The following PHTF2 variants were observed in gnomAD, a reference collection of about 807,000 sequenced individuals.
PHTF2 encodes the protein putative homeodomain transcription factor 2.
In PHTF2, 60 loss-of-function variants were observed where a neutral mutation model predicts 101.2. The ratio of observed to expected loss-of-function variants is 0.59; its 90% confidence interval spans 0.48 to 0.73. PHTF2 has a LOEUF of 0.73. Ranked by LOEUF, PHTF2 falls within the 30% of genes least tolerant of loss-of-function variation. The pLI is 0.00. For synonymous variants in PHTF2, 311 were observed against 307.3 expected, an observed-to-expected ratio of 1.01 and a Z score of -0.13; for missense variants, 747 against 908.7, an observed-to-expected ratio of 0.82 and a Z score of 2.29.
chr7:77,829,336 T>C (rs539231000), intron 1 of PHTF2, among the ~76,000 whole-genome samples: 1 of 152,356 alleles, frequency 6.6e-6, no homozygotes, highest in African/African-American at 2.4e-5. Flanking sequence ...AGACTATGCA[T>C]TGGTTCCATT....
In PHTF2 at chr7:77,854,732, G is replaced by A. The variant is rs1200555555; in HGVS notation, c.46-1G>A. Reference sequence around the variant, plus strand: ...CTCTTCTTTCTCCTTTGCTCATGTAGGAGTTTCTCTCTGTGGCCACCACCG... The same window carrying A: ...CTCTTCTTTCTCCTTTGCTCATGTAAGAGTTTCTCTCTGTGGCCACCACCG... On this transcript the variant is annotated splice_acceptor_variant, in intron 2 of 19. Coordinates refer to ENST00000416283, the Ensembl canonical transcript of PHTF2. LOFTEE classifies it high-confidence loss of function. The A allele has an allele frequency of 4.2e-6, 3 of 711,508 alleles. No homozygotes were observed. The highest frequency in any genetic ancestry group is 2.9e-5 in the South Asian group (2 of 68,124). The allele number at this position is 711,508 out of a possible 1,614,324, so 44.1% of individuals were successfully genotyped here.
At chr7:77,803,688 C>CGTGTGTGT (rs34239792) in intron 1 of PHTF2, among the ~76,000 whole-genome samples, 57 of 140,960 alleles carry the variant, frequency 4.0e-4, no homozygotes, top group African/African-American at 4.9e-4. Context: ...GTTGAACAGG[C>CGTGTGTGT]GTGTGTGTGT....
chr7:77,881,004 A>G (rs1799366606), intron 3 of PHTF2, among the ~76,000 whole-genome samples: 2 of 151,280 alleles, frequency 1.3e-5, no homozygotes. Context: ...CCCTCCAATC[A>G]CTCTCTCTAG....
At chr7:77,865,319 G>A (rs1235749186) in intron 3 of PHTF2, among the ~76,000 whole-genome samples, 2 of 151,760 alleles carry the variant, frequency 1.3e-5, no homozygotes, top group African/African-American at 2.4e-5. Context: ...TCTGCTTCCC[G>A]GGTTCAAGCG....
chr7:77,915,975 G>GTGTC (rs1318962027), intron 9 of PHTF2, among the ~76,000 whole-genome samples: 2 of 113,128 alleles, frequency 1.8e-5, no homozygotes, highest in Non-Finnish European at 3.9e-5. Context: ...GTAGATTTGT[G>GTGTC]TGTCTGTGTG....
chr7:77,848,159 G>T (rs1246265072), intron 2 of PHTF2, among the ~76,000 whole-genome samples: 1 of 152,176 alleles, frequency 6.6e-6, no homozygotes, highest in African/African-American at 2.4e-5. Flanking sequence ...GAATATTGCT[G>T]CAGTGAACAT....
At chr7:77,861,072 G>A (rs1797602222) in intron 3 of PHTF2, among the ~76,000 whole-genome samples, 1 of 152,060 alleles carries the variant, frequency 6.6e-6, no homozygotes, top group South Asian at 2.1e-4. Context: ...GAAGTGGTCA[G>A]TTTTCCTTTG....
chr7:77,866,633 C>T (rs1798089198), intron 3 of PHTF2, among the ~76,000 whole-genome samples: 1 of 152,060 alleles, frequency 6.6e-6, no homozygotes, highest in Non-Finnish European at 1.5e-5. Context: ...TAATACTGGT[C>T]TGTACAGCAT....
chr7:77,914,145 A>T (rs1802682160), intron 9 of PHTF2, among the ~76,000 whole-genome samples: 1 of 151,984 alleles, frequency 6.6e-6, no homozygotes, highest in African/African-American at 2.4e-5. Context: ...ACATGCTGGG[A>T]GTACAATGCT....
intron 5 of PHTF2, among the ~76,000 whole-genome samples, chr7:77,896,708 T>C (rs933712938): frequency 4.6e-5 from 7 of 152,188 alleles, no homozygotes; most frequent in Non-Finnish European, 1.0e-4. Flanking sequence ...AATAATTCCG[T>C]ATTTATTCTA....
chr7:77,924,931 A>G (rs948202800), intron 11 of PHTF2, among the ~76,000 whole-genome samples: 3 of 152,030 alleles, frequency 2.0e-5, no homozygotes, highest in African/African-American at 7.2e-5. Context: ...GACTTCTTCC[A>G]GTGTTCTGTT....
At chr7:77,843,250 A>G (rs1796025128) in intron 2 of PHTF2, among the ~76,000 whole-genome samples, 1 of 152,166 alleles carries the variant, frequency 6.6e-6, no homozygotes, top group Non-Finnish European at 1.5e-5. Flanking sequence ...ATTTAAAGAT[A>G]TGTTATGTTG....
chr7:77,855,195 C>T (rs1797078464), intron 3 of PHTF2, among the ~76,000 whole-genome samples: 1 of 152,204 alleles, frequency 6.6e-6, no homozygotes, highest in African/African-American at 2.4e-5. Context: ...TGAATCATGC[C>T]ATGGCTGCGT....
At chr7:77,826,252 C>T (rs1490303241) in intron 1 of PHTF2, among the ~76,000 whole-genome samples, 1 of 152,182 alleles carries the variant, frequency 6.6e-6, no homozygotes, top group Non-Finnish European at 1.5e-5. Context: ...TTTAATTTCT[C>T]AATTATTGTC....
At chr7:77,884,899 A>AAAATAAATAAATAAAT (rs55902103) in intron 3 of PHTF2, among the ~76,000 whole-genome samples, 8 of 151,294 alleles carry the variant, frequency 5.3e-5, no homozygotes, top group Admixed American at 3.3e-4. Context: ...ACTTCGTCTC[A>AAAATAAATAAATAAAT]AAATAAATAA....
intron 9 of PHTF2, among the ~76,000 whole-genome samples, chr7:77,918,601 T>A (rs975984552): frequency 6.6e-6 from 1 of 152,192 alleles, no homozygotes; most frequent in Non-Finnish European, 1.5e-5. Flanking sequence ...TTGCACAGTG[T>A]TCAAGGGAGA....
At chr7:77,926,804 CA>C (rs754671067) in intron 11 of PHTF2, among the ~76,000 whole-genome samples, 20 of 137,896 alleles carry the variant, frequency 1.5e-4, no homozygotes, top group African/African-American at 4.3e-4. Flanking sequence ...CTCCATCTCT[CA>C]AAAAAAAAAC....
At chr7:77,846,597 GCCTCCCT>G in intron 2 of PHTF2, among the ~76,000 whole-genome samples, 1 of 23,106 alleles carries the variant, frequency 4.3e-5, no homozygotes, top group Admixed American at 5.1e-4. Flanking sequence ...GCCTCCCCTC[GCCTCCCT>G]TCCCCTCCCT....
chr7:77,846,095 G>A (rs948391508), intron 2 of PHTF2, among the ~76,000 whole-genome samples: 1 of 152,174 alleles, frequency 6.6e-6, no homozygotes, highest in Admixed American at 6.5e-5. Context: ...GAAAGGATGT[G>A]TGGAGGACCG....
Sources: gnomAD v4.1 joint callset for allele counts (sites outside exome capture counted in the v4.1 genomes callset) on GRCh38, gnomAD v4.1.1 for gene constraint, MANE v1.5 for transcripts, NCBI Gene and HGNC (gene_info 2026-07-23, HGNC 2026-07-21) for gene names.